FAM171A1: variants seen among roughly 807,000 people sequenced by gnomAD.
The protein encoded by FAM171A1 is protein FAM171A1.
In FAM171A1, 23 loss-of-function variants were observed where a neutral mutation model predicts 74.9. That is an observed-to-expected ratio of 0.31 (90% CI 0.22 to 0.44). The LOEUF (loss-of-function observed/expected upper bound fraction) is 0.44. Among genes scored for constraint, FAM171A1 ranks in the 20% least tolerant of loss-of-function variants. FAM171A1 has a pLI of 1.00. For synonymous variants in FAM171A1, 527 were observed against 505.7 expected (o/e 1.04, Z -0.57); for missense variants, 1,162 against 1,159.2 (o/e 1.00, Z -0.03).
intron 7 of FAM171A1, 81 bp downstream of exon 7, chr10:15,215,915 C>T: frequency 2.5e-6 from 2 of 801,828 alleles, no homozygotes; most frequent in Non-Finnish European, 3.8e-6. Flanking sequence ...AAAAACCCAC[C>T]TCCATATTAA....
At chr10:15,299,423 T>C (rs1323263602) in intron 1 of FAM171A1, among the ~76,000 whole-genome samples, 2 of 152,236 alleles carry the variant, frequency 1.3e-5, no homozygotes, top group African/African-American at 4.8e-5. Flanking sequence ...GGAAAGATTC[T>C]GTGTGTCTTG....
chr10:15,300,014 G>A (rs908787083), intron 1 of FAM171A1, among the ~76,000 whole-genome samples: 6 of 151,898 alleles, frequency 4.0e-5, no homozygotes, highest in African/African-American at 1.5e-4. Context: ...AAGCTGAAGG[G>A]GCTTGCTGGA....
chr10:15,313,189 C>T (rs1835384163), intron 1 of FAM171A1, among the ~76,000 whole-genome samples: 1 of 152,170 alleles, frequency 6.6e-6, no homozygotes, highest in Non-Finnish European at 1.5e-5. Context: ...TGGAAACACA[C>T]TGGGAATTCC....
chr10:15,228,852 T>A (rs1355903845), intron 5 of FAM171A1, among the ~76,000 whole-genome samples: 4 of 152,230 alleles, frequency 2.6e-5, no homozygotes, highest in Non-Finnish European at 5.9e-5. Flanking sequence ...GAGCTGAACG[T>A]CCCTGTGACA....
chr10:15,275,811 C>G lies in FAM171A1; in HGVS notation c.418+44G>C, dbSNP rs372273880. On this transcript the variant is annotated intron_variant, in intron 3 of 7. Transcript: ENST00000378116. Reference sequence around the variant, plus strand: ...ACCATAAATGTATACAATAATGTATCCATCAAAAATAACAATAAAAACTGA... The same window carrying G: ...ACCATAAATGTATACAATAATGTATGCATCAAAAATAACAATAAAAACTGA... 5.7e-6 allele frequency: 7 copies of G among 1,226,990 alleles called. No homozygotes were observed. The Admixed American group carries it at 7.3e-5, about 13-fold the overall frequency. The allele number at this position is 1,226,990 out of a possible 1,614,324, so 76.0% of individuals were successfully genotyped here. A position where few individuals can be genotyped will look rare whatever the true frequency, so the allele number is the denominator to read the frequency against.
intron 6 of FAM171A1, among the ~76,000 whole-genome samples, chr10:15,217,697 G>A (rs1833983970): frequency 6.6e-6 from 1 of 151,908 alleles, no homozygotes; most frequent in Non-Finnish European, 1.5e-5. Flanking sequence ...GAGTGCAGTG[G>A]TGTGATCTCA....
chr10:15,291,836 C>A (rs780844071), intron 1 of FAM171A1, among the ~76,000 whole-genome samples: 3 of 152,150 alleles, frequency 2.0e-5, no homozygotes, highest in Non-Finnish European at 2.9e-5. Flanking sequence ...CCCCAGATAC[C>A]CAGCCATGCG....
rs1230468563 is a variant in FAM171A1, at chr10:15,362,283, T to G, written c.97+8673A>C. The stretch of plus-strand genomic sequence containing the variant: ...GGCTGTGCTGTAGCTACTTTAAATA[T>G]TTGATCAACTAGGGCCTCTTCTACT... On this transcript the variant is annotated intron_variant, in intron 1 of 7. Coordinates refer to ENST00000378116, the MANE Select transcript of FAM171A1 (RefSeq NM_001010924.2). 2.6e-5 allele frequency among the ~76,000 whole-genome samples: 4 copies of G among 152,360 alleles called. No homozygotes were observed. In the East Asian group the frequency reaches 7.7e-4, roughly 29 times the overall value.
chr10:15,371,068 G>A lies in FAM171A1; in HGVS notation c.-16C>T, dbSNP rs1449453382. The A allele has an allele frequency of 2.8e-6, 3 of 1,066,038 alleles. No individual in the cohort carries two copies. Among genetic ancestry groups the A allele is most frequent in the Non-Finnish European group, 3.4e-6 (3 of 871,148 alleles). 66.0% of individuals were successfully genotyped at this position (1,066,038 alleles called of 1,614,324 possible). A position where few individuals can be genotyped will look rare whatever the true frequency, so the allele number is the denominator to read the frequency against. On this transcript the variant is annotated 5_prime_UTR_variant, in exon 1 of 8. Transcript: ENST00000378116. ...ACCTGCTCATCTCCGCCGCGGGGCC[G>A]GCGGCGGCTCGGGCTCGCCGAGAGC... is the stretch of plus-strand genomic sequence containing the variant.
chr10:15,236,985 T>C (rs1211415811), intron 5 of FAM171A1, among the ~76,000 whole-genome samples: 2 of 152,100 alleles, frequency 1.3e-5, no homozygotes, highest in Non-Finnish European at 2.9e-5. Context: ...CCTAGCTACT[T>C]GGGAGGCTGA....
At position 15,262,100 on chromosome 10, in the gene FAM171A1, G is replaced by T. The variant is rs1834665269; in HGVS notation, c.419-7221C>A. On this transcript the variant is annotated intron_variant, in intron 3 of 7. Transcript: ENST00000378116. Reference sequence around the variant, plus strand: ...ACTGCACTCCAGTCCATGCAACAGAGTAAGACCCTGCCAATGAATCAATCA... The same window carrying T: ...ACTGCACTCCAGTCCATGCAACAGATTAAGACCCTGCCAATGAATCAATCA... Among the ~76,000 whole-genome samples, 3 of 152,226 alleles carry T rather than the reference G, an allele frequency of 2.0e-5. 1 individual carries two copies. The South Asian group carries it at 6.2e-4, about 32-fold the overall frequency.
At chr10:15,251,450 T>C (rs12265238) in intron 4 of FAM171A1, among the ~76,000 whole-genome samples, 2,158 of 150,276 alleles carry the variant, frequency 0.014, 60 homozygotes, top group African/African-American at 0.049. Flanking sequence ...TCACCCAGAG[T>C]GGAGTGCAAT....
At chr10:15,353,393 A>T (rs545930241) in intron 1 of FAM171A1, among the ~76,000 whole-genome samples, 2 of 152,334 alleles carry the variant, frequency 1.3e-5, no homozygotes, top group South Asian at 4.1e-4. Context: ...CTAACTCAGA[A>T]TAATCACAGA....
At chr10:15,288,598 C>A (rs1835066230) in intron 1 of FAM171A1, among the ~76,000 whole-genome samples, 1 of 152,034 alleles carries the variant, frequency 6.6e-6, no homozygotes, top group South Asian at 2.1e-4. Context: ...GCTAAGAAGG[C>A]AAAAACTGCT....
chr10:15,278,217 G>C (rs1464511650), intron 2 of FAM171A1, among the ~76,000 whole-genome samples: 1 of 152,182 alleles, frequency 6.6e-6, no homozygotes, highest in Non-Finnish European at 1.5e-5. Flanking sequence ...AGCAGCCTGT[G>C]CCTTCAAGAG....
At chr10:15,350,476 G>C (rs144078952) in intron 1 of FAM171A1, among the ~76,000 whole-genome samples, 5,976 of 151,626 alleles carry the variant, frequency 0.039, 196 homozygotes, top group African/African-American at 0.085. Context: ...CCAGTAGCTG[G>C]GACTATAGGC....
chr10:15,214,384 T>C lies in FAM171A1; in HGVS notation c.1204A>G (p.Met402Val). Residue 402 changes from methionine (M) to valine (V), a missense_variant, in exon 8 of 8, where the codon ATG (methionine) becomes GTG (valine). Physicochemically the swap from Met to Val is conservative, Grantham distance 21. Transcript: ENST00000378116. ...AGGTCCCCTTCGCCGCCCGGAGACA[T>C]CATTTCCAAATGGACTCCACTCATC... ...ELMSGVHLEMMSPGGEGDLHT... is the reference protein window; with the variant it reads ...ELMSGVHLEMVSPGGEGDLHT... 1 of 1,613,698 alleles carries C rather than the reference T, an allele frequency of 6.2e-7. No individual in the cohort carries two copies. The highest frequency in any genetic ancestry group is 8.5e-7 in the Non-Finnish European group (1 of 1,179,798).
At chr10:15,338,156 G>C (rs988037155) in intron 1 of FAM171A1, among the ~76,000 whole-genome samples, 1 of 152,118 alleles carries the variant, frequency 6.6e-6, no homozygotes, top group African/African-American at 2.4e-5. Flanking sequence ...CAGAAACAAA[G>C]TTTTCACCAG....
At chr10:15,319,840 C>A (rs576168950) in intron 1 of FAM171A1, among the ~76,000 whole-genome samples, 2 of 152,288 alleles carry the variant, frequency 1.3e-5, no homozygotes, top group South Asian at 2.1e-4. Context: ...AGGGACAGAA[C>A]CCATATAAAA....
Sources: gnomAD v4.1 joint callset for allele counts (sites outside exome capture counted in the v4.1 genomes callset) on GRCh38, gnomAD v4.1.1 for gene constraint, MANE v1.5 for transcripts, NCBI Gene and HGNC (gene_info 2026-07-23, HGNC 2026-07-21) for gene names.